TASP1: variants seen among roughly 807,000 people sequenced by gnomAD.
The protein encoded by TASP1 is taspase 1, also known as threonine aspartase 1.
TASP1 carries 16 observed loss-of-function variants against 56.6 expected under a neutral mutation model. The ratio of observed to expected loss-of-function variants is 0.28; its 90% CI spans 0.19 to 0.43. TASP1 has a LOEUF of 0.43. Ranked by LOEUF, TASP1 falls within the 20% of genes least tolerant of loss-of-function variation. The pLI is 1.00. For missense variants in TASP1, 393 were observed against 511.6 expected (o/e 0.77, Z 2.24); for synonymous variants, 179 against 184.2 (o/e 0.97, Z 0.23).
chr20:13,599,225 A>C lies in TASP1; in HGVS notation c.283-11855T>G, dbSNP rs535255288. ...ATAATGCTACTATAAAGACACATGC[A>C]CACATACGTTTATTTCAGCACTATT... On this transcript the variant is annotated intron_variant, in intron 4 of 13. Transcript: ENST00000337743. Among the ~76,000 whole-genome samples the C allele has an allele frequency of 2.6e-5, 4 of 152,358 alleles. No homozygotes were observed. The East Asian group carries it at 7.7e-4, about 29-fold the overall frequency.
the TASP1 span, among the ~76,000 whole-genome samples, chr20:13,307,108 T>G: frequency 0.78 from 119,095 of 152,100 alleles, 46,934 homozygotes; most frequent in East Asian, 0.87. Flanking sequence ...AGCAAATGTA[T>G]AAAGCTGAAG....
chr20:13,439,777 A>C (rs2043151313), intron 11 of TASP1, among the ~76,000 whole-genome samples: 1 of 152,174 alleles, frequency 6.6e-6, no homozygotes, highest in South Asian at 2.1e-4. Flanking sequence ...TGAGTCAAAA[A>C]TATAAGAAAA....
chr20:13,340,951 G>T, the TASP1 span, among the ~76,000 whole-genome samples: 4 of 152,066 alleles, frequency 2.6e-5, no homozygotes, highest in Admixed American at 2.6e-4. Context: ...AAGTAGCTGG[G>T]GCTTAAATTC....
At chr20:13,485,105 T>A (rs1020692197) in intron 10 of TASP1, among the ~76,000 whole-genome samples, 4 of 152,210 alleles carry the variant, frequency 2.6e-5, no homozygotes, top group East Asian at 1.9e-4. Context: ...GTTCTGCACA[T>A]GTATCCCAAA....
chr20:13,504,253 T>A (rs1568519976), intron 10 of TASP1, among the ~76,000 whole-genome samples: 1 of 152,036 alleles, frequency 6.6e-6, no homozygotes. Flanking sequence ...TCAACAGATT[T>A]CTCAGTAGAA....
intron 7 of TASP1, among the ~76,000 whole-genome samples, chr20:13,566,174 C>T (rs1286245407): frequency 2.0e-5 from 3 of 152,042 alleles, no homozygotes; most frequent in African/African-American, 7.2e-5. Context: ...AAATGGAAGG[C>T]ACATGGGGAG....
chr20:13,106,351 A>G, the TASP1 span, among the ~76,000 whole-genome samples: 1 of 152,164 alleles, frequency 6.6e-6, no homozygotes, highest in Non-Finnish European at 1.5e-5. Flanking sequence ...TGGAAGAGAG[A>G]CATGAAAGCA....
chr20:13,528,567 G>T, intron 9 of TASP1, 56 bp from the exon 10 acceptor site: 1 of 1,443,806 alleles, frequency 6.9e-7, no homozygotes, highest in Non-Finnish European at 9.4e-7. Context: ...GTAATTATTA[G>T]TTTTCAACAG....
intron 10 of TASP1, among the ~76,000 whole-genome samples, chr20:13,496,438 T>TA (rs1236492175): frequency 6.6e-6 from 1 of 150,694 alleles, no homozygotes; most frequent in Non-Finnish European, 1.5e-5. Context: ...AAAATTGCAG[T>TA]AAAAATTTGG....
chr20:13,300,384 A>G, the TASP1 span: 1 of 152,190 alleles, frequency 6.6e-6, no homozygotes, highest in African/African-American at 2.4e-5. Flanking sequence ...TTTTTCATCT[A>G]CCAATATATC....
At chr20:13,232,300 T>G in the TASP1 span, among the ~76,000 whole-genome samples, 3 of 152,224 alleles carry the variant, frequency 2.0e-5, no homozygotes, top group Non-Finnish European at 4.4e-5. Flanking sequence ...TTCCTTGTGC[T>G]CCTCTGTGAG....
the TASP1 span, among the ~76,000 whole-genome samples, chr20:13,174,478 G>A: frequency 2.0e-4 from 30 of 152,150 alleles, no homozygotes; most frequent in Middle Eastern, 3.4e-3. Flanking sequence ...TGGATAGATC[G>A]CTTGAGCCCA....
At chr20:13,279,147 A>C in the TASP1 span, among the ~76,000 whole-genome samples, 92 of 152,298 alleles carry the variant, frequency 6.0e-4, no homozygotes, top group East Asian at 0.017. Context: ...TAAATAATAC[A>C]GGTGGAGCAT....
At chr20:13,583,165 G>A (rs527744237) in intron 5 of TASP1, among the ~76,000 whole-genome samples, 27 of 152,294 alleles carry the variant, frequency 1.8e-4, no homozygotes, top group Non-Finnish European at 2.9e-4. Context: ...AGTGTTCCAC[G>A]GGGTGCCTGC....
chr20:13,379,480 C>T, the TASP1 span, among the ~76,000 whole-genome samples: 2 of 152,094 alleles, frequency 1.3e-5, no homozygotes, highest in East Asian at 1.9e-4. Flanking sequence ...GTGGGTAACC[C>T]GACATTTCTC....
the TASP1 span, among the ~76,000 whole-genome samples, chr20:13,156,166 T>C: frequency 6.6e-6 from 1 of 152,214 alleles, no homozygotes; most frequent in Non-Finnish European, 1.5e-5. Context: ...TTATCTAATA[T>C]TTTATCATTA....
chr20:13,347,403 C>T, the TASP1 span, among the ~76,000 whole-genome samples: 1 of 152,224 alleles, frequency 6.6e-6, no homozygotes, highest in Non-Finnish European at 1.5e-5. Flanking sequence ...CCTGGGCTCT[C>T]CAACCCACTC....
At chr20:13,207,063 T>A in the TASP1 span, among the ~76,000 whole-genome samples, 2 of 152,152 alleles carry the variant, frequency 1.3e-5, no homozygotes, top group Non-Finnish European at 2.9e-5. Context: ...TTCAGCTCAT[T>A]TTTCTGGAAA....
At chr20:13,371,369 C>T in the TASP1 span, among the ~76,000 whole-genome samples, 5 of 152,096 alleles carry the variant, frequency 3.3e-5, no homozygotes, top group East Asian at 1.9e-4. Context: ...TGTTTTCATT[C>T]ATCTCAAAAT....
Sources: allele counts gnomAD v4.1 joint callset (sites outside exome capture counted in the v4.1 genomes callset), GRCh38; gene constraint gnomAD v4.1.1; transcripts MANE v1.5; gene names NCBI Gene and HGNC (gene_info 2026-07-23, HGNC 2026-07-21).